SNX24: variants seen among roughly 807,000 people sequenced by gnomAD.
The protein encoded by SNX24 is sorting nexin-24.
A neutral mutation model predicts 28.7 loss-of-function variants in SNX24; 22 were observed. The ratio of observed to expected loss-of-function variants is 0.77; its 90% CI spans 0.55 to 1.10. The LOEUF is 1.10. SNX24 is among the 50% of genes least tolerant of loss of function. SNX24 has a pLI of 0.00. For synonymous variants in SNX24, 69 were observed against 71.5 expected (o/e 0.96, Z 0.18); for missense variants, 221 against 201.1 (o/e 1.10, Z -0.60).
intron 3 of SNX24, among the ~76,000 whole-genome samples, chr5:122,962,504 A>G (rs1175230545): frequency 6.6e-6 from 1 of 152,202 alleles, no homozygotes; most frequent in East Asian, 1.9e-4. Flanking sequence ...TTAAAGGAAA[A>G]CAGTACACTC....
At chr5:122,945,846 C>A (rs569552292) in intron 2 of SNX24, among the ~76,000 whole-genome samples, 2 of 151,934 alleles carry the variant, frequency 1.3e-5, no homozygotes, top group African/African-American at 4.8e-5. Context: ...AAACAGAAAA[C>A]CATTATTCTG....
intron 1 of SNX24, among the ~76,000 whole-genome samples, chr5:122,907,598 A>G (rs1024774919): frequency 6.6e-6 from 1 of 152,192 alleles, no homozygotes; most frequent in Non-Finnish European, 1.5e-5. Context: ...GTACTAATTT[A>G]TACTTTGCGG....
intron 1 of SNX24, among the ~76,000 whole-genome samples, chr5:122,909,900 T>G (rs1757806639): frequency 1.3e-5 from 2 of 152,206 alleles, no homozygotes; most frequent in South Asian, 4.1e-4. Context: ...ATTTCACTGG[T>G]GTGGTTATCT....
intron 3 of SNX24, chr5:122,965,560 A>G: frequency 7.1e-6 from 3 of 425,368 alleles, no homozygotes; most frequent in Non-Finnish European, 1.4e-5. Context: ...AGAAATTGCC[A>G]CTTACCTATA....
Position 122,957,920 on chromosome 5 carries a change from T to C in SNX24, c.249+11761T>C, listed in dbSNP as rs531298033. On this transcript the variant is annotated intron_variant, in intron 3 of 6. Transcript: ENST00000261369. ...ATTTGCCTGTTAGTTATAACAGTTTTTTTGTAGAGTCTTAAGGATTTTCTA... is the reference window on the plus strand; with the variant it reads ...ATTTGCCTGTTAGTTATAACAGTTTCTTTGTAGAGTCTTAAGGATTTTCTA... 1.1e-3 allele frequency among the ~76,000 whole-genome samples: 165 copies of C among 152,312 alleles called. 5 individuals are homozygous for C. Among genetic ancestry groups the C allele is most frequent in the Admixed American group, 0.011 (165 of 15,298 alleles).
intron 1 of SNX24, among the ~76,000 whole-genome samples, chr5:122,922,885 C>G (rs555365543): frequency 6.6e-6 from 1 of 152,286 alleles, no homozygotes; most frequent in Admixed American, 6.5e-5. Flanking sequence ...TGATAGACTT[C>G]AGACACCTTG....
rs1759291720 is a variant in SNX24, at chr5:122,938,671, TGGCTC to T, written c.144+1855_144+1859del. On this transcript the variant is annotated intron_variant, in intron 2 of 6. Coordinates refer to ENST00000261369, the MANE Select transcript of SNX24 (RefSeq NM_014035.4). ...AAAAGGCAATGAAGGCCGGGCGCGG[TGGCTC>T]ACGCCTGTAATCCCAGCACTTTGGG... 3.0e-4 allele frequency among the ~76,000 whole-genome samples: 3 copies of T among 9,890 alleles called. 1 individual carries two copies. Among genetic ancestry groups the T allele is most frequent in the African/African-American group, 2.0e-3 (1 of 494 alleles). The allele number at this position is 9,890 out of a possible 152,430, so 6.5% of individuals were successfully genotyped here.
At chr5:123,025,763 G>C (rs750032268) in intron 5 of SNX24, 9 of 1,605,370 alleles carry the variant, frequency 5.6e-6, no homozygotes, top group Non-Finnish European at 8.5e-7. Flanking sequence ...GCTTTGAAAG[G>C]AAAAAAATGT....
At chr5:122,934,318 AC>A (rs1304485250) in intron 1 of SNX24, among the ~76,000 whole-genome samples, 11 of 152,298 alleles carry the variant, frequency 7.2e-5, no homozygotes, top group African/African-American at 2.4e-4. Flanking sequence ...GAAAGACTTT[AC>A]AAAAATGACC....
intron 3 of SNX24, among the ~76,000 whole-genome samples, chr5:122,996,045 A>G (rs541875824): frequency 2.0e-5 from 3 of 152,354 alleles, no homozygotes; most frequent in South Asian, 2.1e-4. Flanking sequence ...TATAGAAGAC[A>G]TGGAAATCAT....
intron 1 of SNX24, among the ~76,000 whole-genome samples, chr5:122,904,874 A>G (rs534783352): frequency 2.0e-4 from 30 of 152,340 alleles, no homozygotes; most frequent in African/African-American, 6.7e-4. Flanking sequence ...CCCATGTGAA[A>G]GGAAGACAGC....
chr5:122,897,682 TGAG>T (rs1757263330), intron 1 of SNX24, among the ~76,000 whole-genome samples: 1 of 152,252 alleles, frequency 6.6e-6, no homozygotes, highest in Admixed American at 6.5e-5. Flanking sequence ...GTTTGCCAGC[TGAG>T]GACTTTTTTA....
intron 3 of SNX24, among the ~76,000 whole-genome samples, chr5:122,955,045 T>G (rs1023710230): frequency 9.2e-5 from 14 of 152,040 alleles, no homozygotes; most frequent in Non-Finnish European, 1.9e-4. Context: ...ACCTGAGACC[T>G]TATTCATTTT....
intron 1 of SNX24, among the ~76,000 whole-genome samples, chr5:122,877,659 C>G (rs976759009): frequency 1.3e-5 from 2 of 152,216 alleles, no homozygotes; most frequent in African/African-American, 2.4e-5. Context: ...TGCCCATGCT[C>G]TGTGTCTCAT....
intron 2 of SNX24, among the ~76,000 whole-genome samples, chr5:122,937,273 A>G (rs1192944320): frequency 6.6e-6 from 1 of 152,174 alleles, no homozygotes; most frequent in African/African-American, 2.4e-5. Context: ...ATATACATGT[A>G]CTTGTATATT....
intron 3 of SNX24, among the ~76,000 whole-genome samples, chr5:122,948,268 G>C (rs930247398): frequency 1.3e-5 from 2 of 152,160 alleles, no homozygotes; most frequent in Non-Finnish European, 2.9e-5. Context: ...AAGTAAGACA[G>C]CATTACTGTT....
intron 3 of SNX24, among the ~76,000 whole-genome samples, chr5:122,952,385 A>C (rs1462751865): frequency 6.6e-6 from 1 of 152,226 alleles, no homozygotes; most frequent in Non-Finnish European, 1.5e-5. Context: ...AATGGCTGGG[A>C]AGAGCTAAGT....
At chr5:122,958,524 G>T (rs1760319475) in intron 3 of SNX24, among the ~76,000 whole-genome samples, 1 of 152,012 alleles carries the variant, frequency 6.6e-6, no homozygotes, top group Admixed American at 6.6e-5. Context: ...AAAGGGCTGG[G>T]ATTACAGGCG....
intron 3 of SNX24, among the ~76,000 whole-genome samples, chr5:122,965,823 T>G (rs1476456965): frequency 6.6e-6 from 1 of 152,250 alleles, no homozygotes; most frequent in East Asian, 1.9e-4. Context: ...GCTGTGATGT[T>G]TCCAATTAAA....
Sources: allele counts gnomAD v4.1 joint callset (sites outside exome capture counted in the v4.1 genomes callset), GRCh38; gene constraint gnomAD v4.1.1; transcripts MANE v1.5; gene names NCBI Gene and HGNC (gene_info 2026-07-23, HGNC 2026-07-21).